The following LRP1B variants were observed in gnomAD, a reference collection of about 807,000 sequenced individuals.
LRP1B encodes LDL receptor related protein 1B.
Under a neutral mutation model 556.6 loss-of-function variants are expected in LRP1B, and 217 were observed. That is an observed-to-expected ratio of 0.39 (90% confidence interval 0.35 to 0.44). The LOEUF (loss-of-function observed/expected upper bound fraction) is 0.44, where lower values mean the gene tolerates loss of function less well. LRP1B is among the 20% of genes least tolerant of loss of function. The pLI, the probability that LRP1B is intolerant of heterozygous loss-of-function variation, is 1.00. For synonymous variants in LRP1B, 2,047 were observed against 1,865.8 expected, an observed-to-expected ratio of 1.10 and a Z score of -2.50; for missense variants, 5,053 against 5,620.8, an observed-to-expected ratio of 0.90 and a Z score of 3.23.
intron 2 of LRP1B, among the ~76,000 whole-genome samples, chr2:141,696,376 C>A (rs1463558833): frequency 1.3e-5 from 2 of 151,952 alleles, no homozygotes; most frequent in Non-Finnish European, 2.9e-5. Flanking sequence ...TTATATGTTA[C>A]TTTTAATATT....
intron 1 of LRP1B, among the ~76,000 whole-genome samples, chr2:142,066,973 G>A (rs531485084): frequency 6.6e-6 from 1 of 151,486 alleles, no homozygotes; most frequent in East Asian, 1.9e-4. Context: ...AGCTCTAGAG[G>A]ACAATGCATT....
At chr2:140,926,213 T>G (rs1694881876) in intron 20 of LRP1B, among the ~76,000 whole-genome samples, 1 of 152,060 alleles carries the variant, frequency 6.6e-6, no homozygotes, top group Non-Finnish European at 1.5e-5. Context: ...CTTTCAAACC[T>G]AAAGAGGATA....
intron 2 of LRP1B, among the ~76,000 whole-genome samples, chr2:141,797,150 T>C (rs1205362817): frequency 9.8e-5 from 5 of 50,872 alleles, no homozygotes; most frequent in African/African-American, 3.6e-4. Flanking sequence ...AATAATCATA[T>C]ATATATATAT....
At chr2:141,327,796 T>C (rs1687479981) in intron 3 of LRP1B, among the ~76,000 whole-genome samples, 1 of 152,066 alleles carries the variant, frequency 6.6e-6, no homozygotes, top group Non-Finnish European at 1.5e-5. Context: ...AGCATGTTAA[T>C]TAACTAATTT....
intron 15 of LRP1B, among the ~76,000 whole-genome samples, chr2:140,997,336 G>C (rs1047115340): frequency 1.1e-4 from 16 of 151,892 alleles, no homozygotes; most frequent in African/African-American, 3.9e-4. Flanking sequence ...TTAATGTCCA[G>C]GTCATAATGT....
At chr2:142,090,115 T>C (rs1706107624) in intron 1 of LRP1B, among the ~76,000 whole-genome samples, 1 of 152,154 alleles carries the variant, frequency 6.6e-6, no homozygotes, top group African/African-American at 2.4e-5. Flanking sequence ...TACAGCATGA[T>C]TTTATCAGCC....
At chr2:141,104,429 T>C (rs958004549) in intron 7 of LRP1B, among the ~76,000 whole-genome samples, 1 of 152,098 alleles carries the variant, frequency 6.6e-6, no homozygotes, top group African/African-American at 2.4e-5. Context: ...GGTGGAACTA[T>C]CAGTGCAATA....
chr2:141,936,471 C>T (rs1160586785), intron 1 of LRP1B, among the ~76,000 whole-genome samples: 1 of 152,146 alleles, frequency 6.6e-6, no homozygotes, highest in African/African-American at 2.4e-5. Context: ...GTGAGGAAAG[C>T]ATGAGAATGT....
chr2:142,099,336 A>G (rs751847031), intron 1 of LRP1B, among the ~76,000 whole-genome samples: 5 of 151,872 alleles, frequency 3.3e-5, no homozygotes, highest in Non-Finnish European at 7.4e-5. Flanking sequence ...TAAAATGATG[A>G]CCAGGAGGCA....
chr2:140,586,177 A>G (rs919097805), intron 43 of LRP1B, among the ~76,000 whole-genome samples: 4 of 152,172 alleles, frequency 2.6e-5, no homozygotes, highest in Non-Finnish European at 5.9e-5. Flanking sequence ...AAACAAACAT[A>G]AGGTGACTAT....
chr2:140,818,437 T>C (rs1435549031), intron 31 of LRP1B, among the ~76,000 whole-genome samples: 1 of 152,182 alleles, frequency 6.6e-6, no homozygotes, highest in Non-Finnish European at 1.5e-5. Flanking sequence ...AATTATAATA[T>C]TCTAAATACC....
chr2:142,107,730 C>T (rs1021859301), intron 1 of LRP1B, among the ~76,000 whole-genome samples: 7 of 151,380 alleles, frequency 4.6e-5, no homozygotes, highest in South Asian at 2.1e-4. Context: ...TGGGTTCAAG[C>T]GATTCTCCTG....
intron 3 of LRP1B, among the ~76,000 whole-genome samples, chr2:141,448,182 A>T (rs1422488423): frequency 6.6e-6 from 1 of 152,176 alleles, no homozygotes; most frequent in Admixed American, 6.5e-5. Context: ...GGCTCCACCC[A>T]GTCTGCACTT....
Position 140,989,563 on chromosome 2 carries a change from G to C in LRP1B, c.2739C>G (p.Ser913Arg), listed in dbSNP as rs775072922. 10 of 1,613,230 alleles carry C rather than the reference G, an allele frequency of 6.2e-6. 1 individual carries two copies. The South Asian group carries it at 1.1e-4, about 18-fold the overall frequency. ...AAGTTTGATTGGATTCATCTTCATT[G>C]CTCCCACAGTCATTAGCTCCATCAC... ...WLCDGANDCG[S>R]NEDESNQTCT... The change falls in exon 17 of 91, where the codon AGC becomes AGG. Residue 913 changes from serine to arginine, a missense_variant. This residue lies in a region of LRP1B where 3,619 missense variants were observed against 3,931.9 expected (regional missense o/e 0.92). Transcript: ENST00000389484.
intron 2 of LRP1B, among the ~76,000 whole-genome samples, chr2:141,655,960 T>G (rs187061859): frequency 6.6e-4 from 101 of 152,298 alleles, no homozygotes; most frequent in African/African-American, 2.3e-3. Context: ...TGGAACTTAC[T>G]GAGTGTCAGA....
intron 66 of LRP1B, among the ~76,000 whole-genome samples, chr2:140,394,275 C>A (rs369049153): frequency 6.6e-6 from 1 of 152,076 alleles, no homozygotes; most frequent in East Asian, 1.9e-4. Flanking sequence ...ACTTCCACTA[C>A]CACAAGGGAG....
At chr2:141,095,904 A>T (rs1303440500) in intron 7 of LRP1B, among the ~76,000 whole-genome samples, 1 of 152,120 alleles carries the variant, frequency 6.6e-6, no homozygotes, top group Non-Finnish European at 1.5e-5. Context: ...CAGATGGAGG[A>T]GGACTATTTG....
At chr2:141,966,110 A>G (rs1300628083) in intron 1 of LRP1B, among the ~76,000 whole-genome samples, 9 of 151,874 alleles carry the variant, frequency 5.9e-5, no homozygotes, top group Admixed American at 5.9e-4. Flanking sequence ...GAGGTATTAG[A>G]TTAAGTGGAG....
chr2:141,740,650 C>T (rs963768323), intron 2 of LRP1B, among the ~76,000 whole-genome samples: 8 of 152,088 alleles, frequency 5.3e-5, no homozygotes, highest in African/African-American at 1.2e-4. Flanking sequence ...TTACTATAGT[C>T]GCCCTGTTCT....
Sources: allele counts gnomAD v4.1 joint callset (sites outside exome capture counted in the v4.1 genomes callset), GRCh38; gene constraint gnomAD v4.1.1; regional missense constraint gnomAD v4.1.1; transcripts MANE v1.5; gene names NCBI Gene and HGNC (gene_info 2026-07-23, HGNC 2026-07-21).